The following FHL1 variants were observed in gnomAD, a reference collection of about 807,000 sequenced individuals.
The protein encoded by FHL1 is four and a half LIM domains protein 1.
FHL1 carries 1 observed loss-of-function variant against 20.3 expected under a neutral mutation model. The observed-to-expected ratio is 0.05, with a 90% CI of 0.02 to 0.23. The LOEUF (loss-of-function observed/expected upper bound fraction) is 0.23, where lower values mean the gene tolerates loss of function less well. Ranked by LOEUF, FHL1 falls within the 10% of genes least tolerant of loss-of-function variation. The pLI, the probability that FHL1 is intolerant of heterozygous loss-of-function variation, is 1.00. For synonymous variants in FHL1, 82 were observed against 88.9 expected (o/e 0.92, Z 0.44); for missense variants, 177 against 234.0 (o/e 0.76, Z 1.59).
upstream of FHL1, among the ~76,000 whole-genome samples, chrX:136,166,065 A>G (rs770752255): frequency 8.9e-6 from 1 of 112,091 alleles, no homozygotes; most frequent in South Asian, 3.7e-4. Context: ...AACTTGCACA[A>G]TGTTGTCAAC....
At chrX:136,167,340 G>T (rs1477443705), upstream of FHL1, among the ~76,000 whole-genome samples, 2 of 110,484 alleles carry the variant, frequency 1.8e-5, no homozygotes, top group Non-Finnish European at 3.8e-5. Flanking sequence ...TGAGTACCTG[G>T]GACTACAGAC....
intron 1 of FHL1, among the ~76,000 whole-genome samples, chrX:136,153,288 G>GGA (rs1556631271): frequency 1.9e-5 from 2 of 103,044 alleles, no homozygotes; most frequent in African/African-American, 6.9e-5. Context: ...GGGAGGTGGG[G>GGA]GGGGGCAGGA....
chrX:136,209,685 G>A (rs1049996765), intron 5 of FHL1, among the ~76,000 whole-genome samples, 186 bp from the exon 6 acceptor site: 1 of 109,955 alleles, frequency 9.1e-6, no homozygotes, highest in African/African-American at 3.3e-5. Flanking sequence ...CAATGGCGGC[G>A]TGGGGGACTG....
chrX:136,208,044 C>T (rs2073896131), intron 4 of FHL1, 83 bp downstream of exon 4: 2 of 1,035,146 alleles, frequency 1.9e-6, no homozygotes, highest in Non-Finnish European at 2.7e-6. Flanking sequence ...ACACACTATC[C>T]CATTCCATCC....
intron 1 of FHL1, among the ~76,000 whole-genome samples, chrX:136,199,337 T>G (rs1333162651): frequency 9.0e-6 from 1 of 111,570 alleles, no homozygotes; most frequent in Non-Finnish European, 1.9e-5. Context: ...AAAAGATTTG[T>G]TTTTTTTCTA....
At chrX:136,196,672 C>G (rs1427897194), upstream of FHL1, 1 of 484,337 alleles carries the variant, frequency 2.1e-6, no homozygotes, top group African/African-American at 2.4e-5. Flanking sequence ...TTACTTTTAT[C>G]ATTAACAGCA....
At chrX:136,147,403 G>T (rs1603236831), upstream of FHL1, 1 of 41,618 alleles carries the variant, frequency 2.4e-5, no homozygotes, top group African/African-American at 8.9e-5. Context: ...GCCCCGCCCC[G>T]CCCCTGGCTA....
chrX:136,196,895 G>A (rs917526139), upstream of FHL1: 6 of 1,136,946 alleles, frequency 5.3e-6, no homozygotes, highest in African/African-American at 9.1e-5. Flanking sequence ...TATTTTTACT[G>A]GGTCCTATTC....
chrX:136,191,726 TAAC>T (rs2073435783), intron 2 of FHL1, among the ~76,000 whole-genome samples: 1 of 112,642 alleles, frequency 8.9e-6, no homozygotes. Context: ...TGAATTATTA[TAAC>T]ATCCCTGATC....
upstream of FHL1, chrX:136,169,505 TAAAA>T (rs1252154655): frequency 4.0e-5 from 8 of 198,980 alleles, no homozygotes; most frequent in Non-Finnish European, 5.4e-5. Context: ...CTAAAGATGT[TAAAA>T]GAGAGAGAGA....
In FHL1 at chrX:136,211,001, CAG is replaced by C. The variant is rs1236711942; in HGVS notation, c.*977_*978del. The C allele has an allele frequency of 2.4e-5, 9 of 374,979 alleles. No homozygotes were observed. The East Asian group carries it at 5.2e-4, about 22-fold the overall frequency. The allele number at this position is 374,979 out of a possible 1,213,427, so 30.9% of individuals were successfully genotyped here. ...TCAACATGGATATGACATTTCACAA[CAG>C]TGACTAGTTGAATCCCTTGTAACGT... On this transcript the variant is annotated 3_prime_UTR_variant, in exon 6 of 6. Coordinates refer to ENST00000370683, the MANE Select transcript of FHL1 (RefSeq NM_001159699.2).
At chrX:136,169,481 T>A, upstream of FHL1, 5 of 220,141 alleles carry the variant, frequency 2.3e-5, no homozygotes, top group South Asian at 2.8e-4. Flanking sequence ...AGAGCCCTCC[T>A]GTGGCAAAAT....
At chrX:136,178,187 T>C (rs2073055020) in intron 2 of FHL1, among the ~76,000 whole-genome samples, 2 of 111,918 alleles carry the variant, frequency 1.8e-5, no homozygotes, top group South Asian at 7.5e-4. Flanking sequence ...ATCAACCTTA[T>C]ATCACATGTT....
At chrX:136,172,351 T>C (rs1456337810) in intron 2 of FHL1, among the ~76,000 whole-genome samples, 2 of 112,484 alleles carry the variant, frequency 1.8e-5, no homozygotes, top group Non-Finnish European at 3.8e-5. Context: ...AAAATACCTT[T>C]TGGGTTTGAT....
chrX:136,149,930 A>G (rs201474276), intron 1 of FHL1, among the ~76,000 whole-genome samples: 2 of 112,107 alleles, frequency 1.8e-5, no homozygotes, highest in East Asian at 5.5e-4. Context: ...AGCAATTGAA[A>G]AAATAGCATA....
In FHL1 at chrX:136,171,888, A is replaced by T. The variant is rs867564452; in HGVS notation, c.-27+1908A>T. Among the ~76,000 whole-genome samples the T allele has an allele frequency of 4.8e-5, 5 of 104,010 alleles. No homozygotes were observed. The East Asian group carries it at 9.0e-4, about 19-fold the overall frequency. The allele number at this position is 104,010 out of a possible 115,157, so 90.3% of individuals were successfully genotyped here. The stretch of plus-strand genomic sequence containing the variant: ...ATTTTTTTAAATTTTTTATTGATTT[A>T]TTTTTTTTTATGGAGTCTTGCTTTG... On this transcript the variant is annotated intron_variant, in intron 2 of 6. Coordinates refer to the FHL1 transcript ENST00000394153.
chrX:136,208,836 C>T (rs1029504350), intron 5 of FHL1, among the ~76,000 whole-genome samples, 195 bp downstream of exon 5: 5 of 108,672 alleles, frequency 4.6e-5, no homozygotes, highest in Non-Finnish European at 7.6e-5. Context: ...ATACAGAACA[C>T]TTCCTGACTG....
intron 2 of FHL1, among the ~76,000 whole-genome samples, chrX:136,186,995 A>G (rs1362229480): frequency 2.7e-5 from 3 of 111,132 alleles, no homozygotes; most frequent in Non-Finnish European, 5.7e-5. Context: ...ATTGGATACT[A>G]TGTACATGTT....
intron 2 of FHL1, 37 bp from the exon 3 acceptor site, chrX:136,206,979 C>T: frequency 8.3e-7 from 1 of 1,206,587 alleles, no homozygotes; most frequent in Non-Finnish European, 1.1e-6. Flanking sequence ...CCCCCAGCAC[C>T]CCTCATGGTG....
Sources: allele counts gnomAD v4.1 joint callset (sites outside exome capture counted in the v4.1 genomes callset), GRCh38; gene constraint gnomAD v4.1.1; transcripts MANE v1.5; gene names NCBI Gene and HGNC (gene_info 2026-07-23, HGNC 2026-07-21).